The following EMILIN2 variants were observed in gnomAD, a reference collection of about 807,000 sequenced individuals.
EMILIN2 encodes elastin microfibril interfacer 2, also known as EMILIN-2.
Under a neutral mutation model 87.1 loss-of-function variants are expected in EMILIN2, and 71 were observed. That is an observed-to-expected ratio of 0.82 (90% confidence interval 0.67 to 0.99). The LOEUF (loss-of-function observed/expected upper bound fraction) is 0.99. Among genes scored for constraint, EMILIN2 ranks in the 50% least tolerant of loss-of-function variants. The pLI, the probability that EMILIN2 is intolerant of heterozygous loss-of-function variation, is 0.00. For synonymous variants in EMILIN2, 581 were observed against 563.4 expected (o/e 1.03, Z -0.44); for missense variants, 1,407 against 1,371.8 (o/e 1.03, Z -0.40).
At chr18:2,873,012 TTAAA>T (rs2143997848) in intron 2 of EMILIN2, among the ~76,000 whole-genome samples, 1 of 151,782 alleles carries the variant, frequency 6.6e-6, no homozygotes, top group Admixed American at 6.6e-5. Context: ...AGTGTTTTAT[TTAAA>T]TAAAACAACA....
Position 2,894,678 on chromosome 18 carries a change from T to C in EMILIN2, c.2359+2192T>C, listed in dbSNP as rs1196425699. On this transcript the variant is annotated intron_variant, in intron 4 of 7. Coordinates refer to ENST00000254528, the MANE Select transcript of EMILIN2 (RefSeq NM_032048.3). The surrounding 1 kb of genome is among the most constrained non-coding windows in gnomAD (Gnocchi z 5.0). ...ATGTGCCATACAAAACATTATCCCT[T>C]TGGACTGAACTCATTGTGGTGAGTG... Among the ~76,000 whole-genome samples the C allele has an allele frequency of 6.6e-6, 1 of 152,200 alleles. No individual in the cohort carries two copies. Among genetic ancestry groups the C allele is most frequent in the East Asian group, 1.9e-4 (1 of 5,196 alleles).
rs774956219 is a variant in EMILIN2 at position 2,913,348 on chromosome 18, G to A, written c.3106G>A (p.Glu1036Lys). ...GGKLAHTDFD[E>K]MYSTFSGVFL... ...CAAGCTGGCTCACACAGACTTTGAT[G>A]AAATGTACTCCACATTTAGTGGGGT... is the stretch of plus-strand genomic sequence containing the variant. Residue 1036 changes from glutamate (E) to lysine (K), a missense_variant, in exon 8 of 8, where the codon GAA (glutamate) becomes AAA (lysine). Glu to Lys is a moderately conservative substitution (Grantham distance 56). Transcript: ENST00000254528. The A allele has an allele frequency of 1.9e-6, 3 of 1,612,262 alleles. No homozygotes were observed. Among genetic ancestry groups the A allele is most frequent in the Non-Finnish European group, 2.5e-6 (3 of 1,179,068 alleles).
At position 2,913,647 on chromosome 18, in the gene EMILIN2, TTG is replaced by T; in HGVS notation, c.*244_*245del. ...CACTCTAACTGGACAACTGGAAGAC[TTG>T]GAAAGGCCTCCACCTGTATCTACAC... On this transcript the variant is annotated 3_prime_UTR_variant, in exon 8 of 8. Coordinates refer to ENST00000254528, the MANE Select transcript of EMILIN2 (RefSeq NM_032048.3). The T allele has an allele frequency of 5.2e-6, 2 of 383,292 alleles. No individual in the cohort carries two copies. Among genetic ancestry groups the T allele is most frequent in the South Asian group, 5.0e-5 (1 of 20,080 alleles). 23.7% of individuals were successfully genotyped at this position (383,292 alleles called of 1,614,324 possible).
chr18:2,862,480 A>G (rs1219008514), intron 2 of EMILIN2, among the ~76,000 whole-genome samples: 1 of 152,222 alleles, frequency 6.6e-6, no homozygotes, highest in Non-Finnish European at 1.5e-5. Flanking sequence ...TTCTGCATCT[A>G]TTGAGATAAT....
Position 2,887,052 on chromosome 18 carries a change from C to T in EMILIN2, c.433+1913C>T, listed in dbSNP as rs1381660909. ...GCTTGAGCATGTCCTTTAGTAGCTT[C>T]ATGAGACAATTACATGGGAAGCAAA... On this transcript the variant is annotated intron_variant, in intron 3 of 7. Transcript: ENST00000254528. 3.3e-5 allele frequency among the ~76,000 whole-genome samples: 5 copies of T among 152,316 alleles called. No individual in the cohort carries two copies. In the East Asian group the frequency reaches 7.7e-4, roughly 23 times the overall value.
intron 2 of EMILIN2, among the ~76,000 whole-genome samples, chr18:2,864,531 G>C (rs528738914): frequency 6.6e-6 from 1 of 152,270 alleles, no homozygotes; most frequent in South Asian, 2.1e-4. Context: ...TTTTCTTTAA[G>C]AATGTTGAAT....
At chr18:2,860,990 A>G (rs1394357308) in intron 2 of EMILIN2, among the ~76,000 whole-genome samples, 1 of 152,230 alleles carries the variant, frequency 6.6e-6, no homozygotes, top group African/African-American at 2.4e-5. Flanking sequence ...ATGGCCAGTG[A>G]TGATGAGCAT....
Position 2,913,071 on chromosome 18 carries a change from C to G in EMILIN2, c.2829C>G (p.Val943=), listed in dbSNP as rs573970793. ...GGTTTGCCTTTCTCCCCGCAGGGGTCTTCACGGCTCCTTATGATGGGCGCT... is the reference window on the plus strand; with the variant it reads ...GGTTTGCCTTTCTCCCCGCAGGGGTGTTCACGGCTCCTTATGATGGGCGCT... ...DGDVYNPSTG[V]FTAPYDGRYL... The change falls in exon 8 of 8, where the codon GTC becomes GTG. Residue 943 remains valine (V), a synonymous_variant. Coordinates refer to ENST00000254528, the MANE Select transcript of EMILIN2 (RefSeq NM_032048.3). 9.9e-6 allele frequency: 16 copies of G among 1,608,828 alleles called. No individual in the cohort carries two copies. The South Asian group carries it at 1.5e-4, about 15-fold the overall frequency.
Position 2,915,471 on chromosome 18 carries a change from G to A in EMILIN2, c.*2067G>A, listed in dbSNP as rs1258362538. On this transcript the variant is annotated 3_prime_UTR_variant, in exon 8 of 8. Transcript: ENST00000254528. ...ATCACCCCTGAAGTAGTGCCTGCGAGTCAGTCAGAGGCATACCAAACCCTG... is the reference window on the plus strand; with the variant it reads ...ATCACCCCTGAAGTAGTGCCTGCGAATCAGTCAGAGGCATACCAAACCCTG... The A allele has an allele frequency of 6.6e-6, 1 of 151,976 alleles. No individual in the cohort carries two copies. The highest frequency in any genetic ancestry group is 1.5e-5 in the Non-Finnish European group (1 of 68,058). 9.4% of individuals were successfully genotyped at this position (151,976 alleles called of 1,614,324 possible). A position where few individuals can be genotyped will look rare whatever the true frequency, so the allele number is the denominator to read the frequency against.
At position 2,876,679 on chromosome 18, in the gene EMILIN2, T is replaced by C. The variant is rs2076750299; in HGVS notation, c.258-8285T>C. Among the ~76,000 whole-genome samples the C allele has an allele frequency of 3.3e-5, 5 of 150,522 alleles. No homozygotes were observed. The South Asian group carries it at 1.1e-3, about 33-fold the overall frequency. On this transcript the variant is annotated intron_variant, in intron 2 of 7. Coordinates refer to ENST00000254528, the MANE Select transcript of EMILIN2 (RefSeq NM_032048.3). The stretch of plus-strand genomic sequence containing the variant: ...TACTCGGGAGGCTGAGGCAGGAGAA[T>C]GGCGTGAACCCGGGAGGCGGAGCTT...
intron 4 of EMILIN2, among the ~76,000 whole-genome samples, chr18:2,895,168 G>T (rs953558527): frequency 1.3e-5 from 2 of 152,066 alleles, no homozygotes; most frequent in African/African-American, 4.8e-5. Context: ...GGAATGGGGT[G>T]TGGTGTGCAT....
At chr18:2,876,580 C>T (rs1598492868) in intron 2 of EMILIN2, among the ~76,000 whole-genome samples, 1 of 142,332 alleles carries the variant, frequency 7.0e-6, no homozygotes, top group Non-Finnish European at 1.5e-5. Flanking sequence ...TCCTGGCTAA[C>T]ACGGTGAAAC....
At chr18:2,858,577 G>A (rs1309323221) in intron 2 of EMILIN2, among the ~76,000 whole-genome samples, 719 of 64,816 alleles carry the variant, frequency 0.011, 40 homozygotes, top group Non-Finnish European at 0.015. Context: ...ATATGTGTGT[G>A]TGTGTGTATA....
intron 2 of EMILIN2, among the ~76,000 whole-genome samples, chr18:2,869,591 G>A (rs1312961): frequency 0.5 from 75,620 of 151,864 alleles, 19,230 homozygotes; most frequent in African/African-American, 0.57. Flanking sequence ...GTTGTAGTAT[G>A]TATCAGTAGC....
At chr18:2,869,365 T>C (rs2076707670) in intron 2 of EMILIN2, among the ~76,000 whole-genome samples, 1 of 152,172 alleles carries the variant, frequency 6.6e-6, no homozygotes, top group Non-Finnish European at 1.5e-5. Flanking sequence ...TTGACATATA[T>C]ACCCGTGAAA....
intron 2 of EMILIN2, among the ~76,000 whole-genome samples, chr18:2,865,799 C>T (rs1053530253): frequency 1.4e-4 from 22 of 152,200 alleles, no homozygotes; most frequent in African/African-American, 5.3e-4. Context: ...CTATGCCCTG[C>T]CCCCAGAGGT....
Position 2,913,588 on chromosome 18 carries a change from G to T in EMILIN2, c.*184G>T. 1.7e-6 allele frequency: 1 copy of T among 572,116 alleles called. No individual in the cohort carries two copies. The highest frequency in any genetic ancestry group is 3.0e-6 in the Non-Finnish European group (1 of 328,312). 35.4% of individuals were successfully genotyped at this position (572,116 alleles called of 1,614,324 possible). ...CATCCAGCCAGGCTGCAGGGAGTGA[G>T]GCACACGGTGAACATGGCCACTGAC... On this transcript the variant is annotated 3_prime_UTR_variant, in exon 8 of 8. Transcript: ENST00000254528.
At chr18:2,858,565 A>ATGTGTGTG (rs2076642071) in intron 2 of EMILIN2, among the ~76,000 whole-genome samples, 1 of 67,818 alleles carries the variant, frequency 1.5e-5, no homozygotes, top group African/African-American at 1.0e-4. Context: ...ATATATATAT[A>ATGTGTGTG]TATATGTGTG....
chr18:2,892,061 A>G lies in EMILIN2; in HGVS notation c.1934A>G (p.Lys645Arg). The change falls in exon 4 of 8, where the codon AAG becomes AGG. Residue 645 changes from lysine (K) to arginine (R), a missense_variant. Lys to Arg is a conservative substitution (Grantham distance 26). Transcript: ENST00000254528. ...GENAGMGRFTKVGEQERTVDT... is the reference protein window; with the variant it reads ...GENAGMGRFTRVGEQERTVDT... ...AACGCTGGCATGGGTAGGTTCACTA[A>G]GGTGGGTGAGCAAGAAAGGACAGTG... 1 of 1,614,244 alleles carries G rather than the reference A, an allele frequency of 6.2e-7. No homozygotes were observed. The highest frequency in any genetic ancestry group is 8.5e-7 in the Non-Finnish European group (1 of 1,180,050).
Sources: gnomAD v4.1 joint callset for allele counts (sites outside exome capture counted in the v4.1 genomes callset) on GRCh38, gnomAD v4.1.1 for gene constraint, Gnocchi (gnomAD v3.1) non-coding constraint, MANE v1.5 for transcripts, NCBI Gene and HGNC (gene_info 2026-07-23, HGNC 2026-07-21) for gene names.